Variants in EFCAB5 observed in about 807,000 individuals in gnomAD.
EFCAB5 encodes EF-hand calcium-binding domain-containing protein 5.
In EFCAB5, 131 loss-of-function variants were observed where a neutral mutation model predicts 167.9. The ratio of observed to expected loss-of-function variants is 0.78; its 90% CI spans 0.68 to 0.90. EFCAB5 has a LOEUF of 0.90. EFCAB5 is among the 40% of genes least tolerant of loss of function. EFCAB5 has a pLI of 0.00. For synonymous variants in EFCAB5, 574 were observed against 602.8 expected (o/e 0.95, Z 0.70); for missense variants, 1,663 against 1,745.2 (o/e 0.95, Z 0.84).
intron 8 of EFCAB5, among the ~76,000 whole-genome samples, chr17:30,036,503 C>T (rs1401772107): frequency 6.6e-6 from 1 of 151,326 alleles, no homozygotes; most frequent in African/African-American, 2.4e-5. Flanking sequence ...CATCATACCT[C>T]ACTACAGCCT....
chr17:30,014,323 T>C (rs113580178), intron 7 of EFCAB5, among the ~76,000 whole-genome samples: 1 of 152,208 alleles, frequency 6.6e-6, no homozygotes, highest in African/African-American at 2.4e-5. Flanking sequence ...TTAGGTCTGC[T>C]TAGTGCAGAG....
chr17:30,069,001 C>A, intron 14 of EFCAB5: 1 of 1,438,762 alleles, frequency 7.0e-7, no homozygotes, highest in Non-Finnish European at 9.8e-7. Context: ...GATACATTCC[C>A]AGCAAGTGAA....
chr17:29,951,658 A>ATATTGGT (rs1296927398), intron 3 of EFCAB5, among the ~76,000 whole-genome samples: 2 of 151,946 alleles, frequency 1.3e-5, no homozygotes, highest in Non-Finnish European at 2.9e-5. Flanking sequence ...CCCAGCCAGG[A>ATATTGGT]TATTGGTTTT....
chr17:30,070,760 G>C (rs1024754195), intron 14 of EFCAB5, among the ~76,000 whole-genome samples: 2 of 151,830 alleles, frequency 1.3e-5, no homozygotes, highest in African/African-American at 4.8e-5. Context: ...GACCAGCCTG[G>C]CCAACATGGC....
At chr17:30,003,869 T>C (rs529773467) in intron 7 of EFCAB5, among the ~76,000 whole-genome samples, 1 of 152,346 alleles carries the variant, frequency 6.6e-6, no homozygotes, top group African/African-American at 2.4e-5. Flanking sequence ...ATCTTCTGTT[T>C]TGTCTTGGAC....
At chr17:29,978,951 A>AGGGGGGAT (rs2068115528) in intron 4 of EFCAB5, among the ~76,000 whole-genome samples, 1 of 151,990 alleles carries the variant, frequency 6.6e-6, no homozygotes, top group African/African-American at 2.4e-5. Context: ...TCCCTGGGGC[A>AGGGGGGAT]GGGGGGATGG....
rs1240257294 is a variant in EFCAB5, at chr17:30,091,999, A to G, written c.4066A>G (p.Thr1356Ala). 4.3e-6 allele frequency: 7 copies of G among 1,613,838 alleles called. No homozygotes were observed. Among genetic ancestry groups the G allele is most frequent in the Non-Finnish European group, 5.9e-6 (7 of 1,179,852 alleles). The change falls in exon 21 of 23, where the codon ACT becomes GCT. Residue 1356 changes from threonine to alanine, a missense_variant. Coordinates refer to ENST00000394835, the MANE Select transcript of EFCAB5 (RefSeq NM_198529.4). Reference protein sequence around the residue: ...EFVSLLLYDHTLVTEPNSPQD... With the variant: ...EFVSLLLYDHALVTEPNSPQD... ...TGTGTCACTGTTGCTCTATGACCAT[A>G]CTCTTGTAACAGAGCCAAATTCTCC...
intron 7 of EFCAB5, among the ~76,000 whole-genome samples, chr17:30,014,079 G>A (rs2068973738): frequency 6.6e-6 from 1 of 152,198 alleles, no homozygotes; most frequent in African/African-American, 2.4e-5. Flanking sequence ...TCATTCAGGA[G>A]CAGGTTGTTC....
At chr17:29,948,775 T>C (rs1423230805) in intron 3 of EFCAB5, among the ~76,000 whole-genome samples, 1 of 152,232 alleles carries the variant, frequency 6.6e-6, no homozygotes, top group Admixed American at 6.5e-5. Flanking sequence ...TGAGCTTAAC[T>C]TGCATTTTGA....
At position 29,972,250 on chromosome 17, in the gene EFCAB5, C is replaced by T. The variant is rs1054456491; in HGVS notation, c.767+2883C>T. Among the ~76,000 whole-genome samples, 3 of 150,156 alleles carry T rather than the reference C, an allele frequency of 2.0e-5. No homozygotes were observed. The South Asian group carries it at 6.4e-4, about 32-fold the overall frequency. On this transcript the variant is annotated intron_variant, in intron 4 of 22. Coordinates refer to ENST00000394835, the MANE Select transcript of EFCAB5 (RefSeq NM_198529.4). ...ATTTTTAGTAGACATGGGGTTTCAC[C>T]GCCTTAGCCAGGGTGGTCTCGATCT...
At chr17:30,027,761 G>A (rs1470699309) in intron 7 of EFCAB5, among the ~76,000 whole-genome samples, 2 of 152,164 alleles carry the variant, frequency 1.3e-5, no homozygotes, top group African/African-American at 4.8e-5. Context: ...AGTTTACTTG[G>A]CTATACTTAC....
In EFCAB5 at chr17:29,943,712, G is replaced by A. The variant is rs570174216; in HGVS notation, c.190+63G>A. ...AAACTGGCTGGGCGTGGTGGCTCAT[G>A]CCTGTAATTCCAGCACTTTGGGAGG... On this transcript the variant is annotated intron_variant, in intron 3 of 22. Transcript: ENST00000394835. 17 of 1,444,776 alleles carry A rather than the reference G, an allele frequency of 1.2e-5. No homozygotes were observed. The South Asian group carries it at 2.0e-4, about 17-fold the overall frequency. The allele number at this position is 1,444,776 out of a possible 1,614,324, so 89.5% of individuals were successfully genotyped here. A position where few individuals can be genotyped will look rare whatever the true frequency, so the allele number is the denominator to read the frequency against.
chr17:29,994,167 T>TATACATAC (rs1555554320), intron 5 of EFCAB5, among the ~76,000 whole-genome samples: 2 of 132,230 alleles, frequency 1.5e-5, no homozygotes, highest in African/African-American at 2.7e-5. Flanking sequence ...TATATATATA[T>TATACATAC]ATATATATAT....
intron 3 of EFCAB5, among the ~76,000 whole-genome samples, chr17:29,958,654 CTTTG>C (rs1380492911): frequency 1.3e-5 from 2 of 152,086 alleles, no homozygotes; most frequent in Non-Finnish European, 2.9e-5. Flanking sequence ...TGTTCTCTTA[CTTTG>C]TTTGATAAGG....
At position 30,078,541 on chromosome 17, in the gene EFCAB5, T is replaced by C. The variant is rs192138834; in HGVS notation, c.3027+37T>C. ...AAAGCAGTATGTAAGAGGAAACATTTCCTCAAAGTAGGCGATGTTCAATGT... is the reference window on the plus strand; with the variant it reads ...AAAGCAGTATGTAAGAGGAAACATTCCCTCAAAGTAGGCGATGTTCAATGT... On this transcript the variant is annotated intron_variant, in intron 15 of 22. Coordinates refer to ENST00000394835, the MANE Select transcript of EFCAB5 (RefSeq NM_198529.4). The C allele has an allele frequency of 5.0e-5, 75 of 1,506,878 alleles. No individual in the cohort carries two copies. The African/African-American group carries it at 7.1e-4, about 14-fold the overall frequency. The allele number at this position is 1,506,878 out of a possible 1,614,324, so 93.3% of individuals were successfully genotyped here.
chr17:29,980,171 A>G (rs868348139), intron 4 of EFCAB5, among the ~76,000 whole-genome samples: 15 of 152,224 alleles, frequency 9.9e-5, no homozygotes, highest in African/African-American at 2.9e-4. Context: ...CTCCGTCTCA[A>G]AAACAAACAA....
At chr17:29,941,608 T>C, upstream of EFCAB5, 2 of 517,094 alleles carry the variant, frequency 3.9e-6, no homozygotes, top group Non-Finnish European at 6.8e-6. Flanking sequence ...GTAATACAGT[T>C]GGAAAAGTTC....
At chr17:29,936,797 T>A (rs1453895628), upstream of EFCAB5, among the ~76,000 whole-genome samples, 1 of 152,204 alleles carries the variant, frequency 6.6e-6, no homozygotes, top group African/African-American at 2.4e-5. Context: ...TCAGCATACT[T>A]TCATCAATGT....
At chr17:30,096,673 ATATATT>A (rs1250229942) in intron 22 of EFCAB5, among the ~76,000 whole-genome samples, 8 of 63,516 alleles carry the variant, frequency 1.3e-4, no homozygotes, top group African/African-American at 5.2e-4. Context: ...ATATATATAT[ATATATT>A]TTTTTTTTTT....
Sources: gnomAD v4.1 joint callset for allele counts (sites outside exome capture counted in the v4.1 genomes callset) on GRCh38, gnomAD v4.1.1 for gene constraint, MANE v1.5 for transcripts, NCBI Gene and HGNC (gene_info 2026-07-23, HGNC 2026-07-21) for gene names.